The following GNB5 variants were observed in gnomAD, a reference collection of about 807,000 sequenced individuals.
The protein encoded by GNB5 is guanine nucleotide-binding protein subunit beta-5.
In GNB5, 37 loss-of-function variants were observed where a neutral mutation model predicts 55.3. The ratio of observed to expected loss-of-function variants is 0.67; its 90% CI spans 0.51 to 0.88. The LOEUF (loss-of-function observed/expected upper bound fraction) is 0.88. GNB5 is among the 40% of genes least tolerant of loss of function. The pLI is 0.00. For missense variants in GNB5, 476 were observed against 515.3 expected (o/e 0.92, Z 0.74); for synonymous variants, 219 against 198.5 (o/e 1.10, Z -0.87).
intron 12 of GNB5, among the ~76,000 whole-genome samples, chr15:52,123,785 C>T (rs573406345): frequency 5.3e-5 from 8 of 151,838 alleles, no homozygotes; most frequent in African/African-American, 1.2e-4. Context: ...TCAAGTGATC[C>T]GCCTGACTTG....
intron 6 of GNB5, chr15:52,147,160 GGTTTT>G (rs1171258825): frequency 1.6e-5 from 4 of 251,278 alleles, no homozygotes; most frequent in East Asian, 2.2e-4. Context: ...AGAGTTTTAT[GGTTTT>G]GTTTTTTTTT....
intron 3 of GNB5, among the ~76,000 whole-genome samples, chr15:52,169,055 G>C (rs1265796118): frequency 6.6e-6 from 1 of 152,172 alleles, no homozygotes; most frequent in African/African-American, 2.4e-5. Context: ...CGGATGTGGG[G>C]GCTCACGCCT....
rs780797393 is a variant in GNB5, at chr15:52,147,492, G to A, written c.461C>T (p.Ala154Val). The A allele has an allele frequency of 1.2e-6, 2 of 1,608,102 alleles. No homozygotes were observed. The highest frequency in any genetic ancestry group is 1.3e-5 in the African/African-American group (1 of 74,758). ...AATGGCACATCCCGATGGGGCATAA[G>A]CACATGCCATCACCCACGTGCAGGG... is the stretch of plus-strand genomic sequence containing the variant. ...TMPCTWVMAC[A>V]YAPSGCAIAC... The change falls in exon 6 of 13, where the codon GCT becomes GTT. Residue 154 changes from alanine to valine, a missense_variant. Ala to Val is a moderately conservative substitution (Grantham distance 64). Coordinates refer to ENST00000261837, the MANE Select transcript of GNB5 (RefSeq NM_016194.4).
intron 3 of GNB5, among the ~76,000 whole-genome samples, chr15:52,165,460 G>C (rs986380709): frequency 6.6e-6 from 1 of 152,130 alleles, no homozygotes; most frequent in Non-Finnish European, 1.5e-5. Context: ...GGCAGCCAGA[G>C]AGAAAAGCAA....
intron 4 of GNB5, among the ~76,000 whole-genome samples, chr15:52,152,210 G>T (rs1264043792): frequency 6.6e-6 from 1 of 151,520 alleles, no homozygotes; most frequent in Non-Finnish European, 1.5e-5. Context: ...AGTATATCCA[G>T]TTTCACAAGG....
intron 2 of GNB5, 169 bp from the exon 3 acceptor site, chr15:52,180,048 C>G (rs957434748): frequency 2.3e-6 from 2 of 858,332 alleles, no homozygotes; most frequent in Non-Finnish European, 3.0e-6. Flanking sequence ...GCCCCAAGAC[C>G]CCGCACCTGG....
chr15:52,135,883 A>ACACACACACACACC, intron 7 of GNB5, 127 bp from the exon 8 acceptor site: 1 of 731,420 alleles, frequency 1.4e-6, no homozygotes, highest in Non-Finnish European at 2.3e-6. Flanking sequence ...ACACACACAC[A>ACACACACACACACC]CACACACACA....
rs1398960626 is a variant in GNB5 at position 52,179,970 on chromosome 15, G to C, written c.127-91C>G. The C allele has an allele frequency of 2.2e-6, 3 of 1,359,562 alleles. No homozygotes were observed. In the East Asian group the frequency reaches 1.0e-4, roughly 46 times the overall value. 84.2% of individuals were successfully genotyped at this position (1,359,562 alleles called of 1,614,324 possible). A position where few individuals can be genotyped will look rare whatever the true frequency, so the allele number is the denominator to read the frequency against. ...CGCTCCAGCAGCCGTCCCCGGCCCC[G>C]AGCACCGCCCCGCGGCCCCGCCCTC... is the stretch of plus-strand genomic sequence containing the variant. On this transcript the variant is annotated intron_variant, in intron 2 of 12. Coordinates refer to ENST00000261837, the MANE Select transcript of GNB5 (RefSeq NM_016194.4).
intron 5 of GNB5, 87 bp downstream of exon 5, chr15:52,149,797 G>C (rs761952386): frequency 6.3e-6 from 6 of 958,188 alleles, no homozygotes; most frequent in Non-Finnish European, 1.0e-5. Flanking sequence ...AGAGAAATCA[G>C]GACAGGGCCG....
rs2033249724 is a variant in GNB5, at chr15:52,120,870, T to C, written c.*1887A>G. ...CCTGGAGGAAGGCAGAGGCCCTTCA[T>C]TTTTCTCTCTCTACCCCAGACCCCA... On this transcript the variant is annotated 3_prime_UTR_variant, in exon 13 of 13. Transcript: ENST00000261837. 6.6e-6 allele frequency: 1 copy of C among 152,254 alleles called. No homozygotes were observed. The highest frequency in any genetic ancestry group is 2.4e-5 in the African/African-American group (1 of 41,432). The allele number at this position is 152,254 out of a possible 1,614,324, so 9.4% of individuals were successfully genotyped here. A position where few individuals can be genotyped will look rare whatever the true frequency, so the allele number is the denominator to read the frequency against.
intron 3 of GNB5, among the ~76,000 whole-genome samples, chr15:52,178,124 A>G (rs1317618885): frequency 3.9e-5 from 6 of 152,198 alleles, no homozygotes; most frequent in Admixed American, 2.6e-4. Context: ...CGCCCTCTGC[A>G]TGAAGCTCAA....
At chr15:52,129,555 C>T (rs751783498) in intron 9 of GNB5, among the ~76,000 whole-genome samples, 12 of 152,134 alleles carry the variant, frequency 7.9e-5, no homozygotes, top group Admixed American at 6.5e-4. Context: ...GAGTATCTGA[C>T]GCATCCATAT....
intron 2 of GNB5, among the ~76,000 whole-genome samples, chr15:52,184,214 T>C (rs530117159): frequency 5.8e-4 from 89 of 152,324 alleles, no homozygotes; most frequent in African/African-American, 2.0e-3. Flanking sequence ...GGGTACTATT[T>C]AAAATAAGTT....
intron 1 of GNB5, among the ~76,000 whole-genome samples, chr15:52,188,348 G>A (rs927740359): frequency 1.3e-5 from 2 of 151,772 alleles, no homozygotes; most frequent in Non-Finnish European, 2.9e-5. Context: ...ATTGTAGAAA[G>A]TTTGGGGGAA....
intron 12 of GNB5, among the ~76,000 whole-genome samples, chr15:52,123,197 C>G (rs974174703): frequency 6.6e-6 from 1 of 152,126 alleles, no homozygotes. Flanking sequence ...AGGAATTTTG[C>G]AAAAATCCTT....
intron 9 of GNB5, 152 bp from the exon 10 acceptor site, chr15:52,128,396 C>T (rs1472808134): frequency 1.6e-6 from 1 of 637,814 alleles, no homozygotes; most frequent in Non-Finnish European, 2.8e-6. Flanking sequence ...CTATGTCAGG[C>T]CCACTGATCT....
rs1390511419 is a variant in GNB5 at position 52,116,376 on chromosome 15, A to G, written c.*6381T>C. 1.3e-5 allele frequency: 2 copies of G among 152,256 alleles called. No homozygotes were observed. Among genetic ancestry groups the G allele is most frequent in the Admixed American group, 1.3e-4 (2 of 15,290 alleles). 9.4% of individuals were successfully genotyped at this position (152,256 alleles called of 1,614,324 possible). ...ATTAGTTGTTTATGTGGGTTAAATT[A>G]ACCATGGAATCACTCCTGATCCCAT... is the stretch of plus-strand genomic sequence containing the variant. On this transcript the variant is annotated 3_prime_UTR_variant, in exon 13 of 13. Coordinates refer to ENST00000261837, the MANE Select transcript of GNB5 (RefSeq NM_016194.4).
chr15:52,165,627 T>C (rs1435498952), intron 3 of GNB5, among the ~76,000 whole-genome samples: 2 of 151,980 alleles, frequency 1.3e-5, no homozygotes, highest in Admixed American at 1.3e-4. Context: ...AGAAACAAGA[T>C]CTTTTTCAGA....
intron 4 of GNB5, 25 bp from the exon 5 acceptor site, chr15:52,149,950 T>C: frequency 1.3e-6 from 2 of 1,587,538 alleles, no homozygotes; most frequent in East Asian, 2.2e-5. Context: ...GCAAACAGTT[T>C]AGGGGTTGTC....
Sources: allele counts gnomAD v4.1 joint callset (sites outside exome capture counted in the v4.1 genomes callset), GRCh38; gene constraint gnomAD v4.1.1; transcripts MANE v1.5; gene names NCBI Gene and HGNC (gene_info 2026-07-23, HGNC 2026-07-21).